The following RBPMS variants were observed in gnomAD, a reference collection of about 807,000 sequenced individuals.
RBPMS encodes RNA binding protein, mRNA processing factor.
In RBPMS, 7 loss-of-function variants were observed where a neutral mutation model predicts 26.8. That is an observed-to-expected ratio of 0.26 (90% CI 0.15 to 0.49). The LOEUF (loss-of-function observed/expected upper bound fraction) is 0.49. Among genes scored for constraint, RBPMS ranks in the 20% least tolerant of loss-of-function variants. The probability of loss-of-function intolerance (pLI) is 0.98; values close to 1 mark genes in which losing one functional copy is unlikely to be tolerated. For missense variants in RBPMS, 186 were observed against 250.0 expected (o/e 0.74, Z 1.73); for synonymous variants, 96 against 93.3 (o/e 1.03, Z -0.17).
intron 6 of RBPMS, among the ~76,000 whole-genome samples, chr8:30,550,008 G>A (rs1163411398): frequency 7.3e-5 from 11 of 151,714 alleles, no homozygotes; most frequent in Admixed American, 3.3e-4. Context: ...CTGTCACCAC[G>A]CCTGGCTCAT....
chr8:30,549,618 T>C (rs771764331), intron 6 of RBPMS: 32 of 1,553,004 alleles, frequency 2.1e-5, no homozygotes, highest in Non-Finnish European at 2.8e-5. Flanking sequence ...GGCTTAGCTC[T>C]CACAGGAGGA....
chr8:30,533,493 G>A (rs1453844246), intron 5 of RBPMS, among the ~76,000 whole-genome samples: 5 of 152,292 alleles, frequency 3.3e-5, no homozygotes, highest in South Asian at 2.1e-4. Flanking sequence ...GTGGAGAGAC[G>A]GTTCTGGGTC....
At chr8:30,549,641 G>T in intron 6 of RBPMS, 2 of 1,370,006 alleles carry the variant, frequency 1.5e-6, no homozygotes, top group Middle Eastern at 1.8e-4. Context: ...GGCGGACGGG[G>T]AGGCCAGGCC....
intron 1 of RBPMS, among the ~76,000 whole-genome samples, chr8:30,418,681 C>A (rs186700416): frequency 3.3e-5 from 5 of 152,034 alleles, no homozygotes; most frequent in African/African-American, 9.7e-5. Context: ...TGGGTTCAAG[C>A]GATTTTCTTG....
At chr8:30,464,712 A>G (rs79582386) in intron 1 of RBPMS, among the ~76,000 whole-genome samples, 4,229 of 152,264 alleles carry the variant, frequency 0.028, 225 homozygotes, top group African/African-American at 0.097. Flanking sequence ...GTTTCTTTGA[A>G]CAAATCTGTT....
At chr8:30,417,115 A>G (rs1455829604) in intron 1 of RBPMS, among the ~76,000 whole-genome samples, 5 of 152,148 alleles carry the variant, frequency 3.3e-5, no homozygotes, top group Non-Finnish European at 5.9e-5. Flanking sequence ...TAAGAGACAG[A>G]TGGACCTTTT....
intron 5 of RBPMS, among the ~76,000 whole-genome samples, chr8:30,538,503 G>A (rs567941889): frequency 2.0e-5 from 3 of 152,100 alleles, no homozygotes; most frequent in East Asian, 3.9e-4. Flanking sequence ...TAATCCACCC[G>A]CTTCGGCCTC....
At chr8:30,553,226 G>A (rs1235767549) in intron 6 of RBPMS, 2 of 152,250 alleles carry the variant, frequency 1.3e-5, no homozygotes, top group Admixed American at 1.3e-4. Context: ...GCAGGGAGAA[G>A]AGGAGTGGTT....
At position 30,515,081 on chromosome 8, in the gene RBPMS, C is replaced by T. The variant is rs186334297; in HGVS notation, c.397+10645C>T. Among the ~76,000 whole-genome samples the T allele has an allele frequency of 2.0e-4, 30 of 152,108 alleles. No individual in the cohort carries two copies. The East Asian group carries it at 5.4e-3, about 28-fold the overall frequency. On this transcript the variant is annotated intron_variant, in intron 5 of 8. Transcript: ENST00000397323. ...ACTCCTCCCAGGGTCAAACGATCCTCTCTCCTCAGCCTCCAGAGTAGCTGG... is the reference window on the plus strand; with the variant it reads ...ACTCCTCCCAGGGTCAAACGATCCTTTCTCCTCAGCCTCCAGAGTAGCTGG...
At chr8:30,418,681 C>T (rs186700416) in intron 1 of RBPMS, among the ~76,000 whole-genome samples, 4 of 152,152 alleles carry the variant, frequency 2.6e-5, no homozygotes, top group African/African-American at 9.6e-5. Flanking sequence ...TGGGTTCAAG[C>T]GATTTTCTTG....
At chr8:30,532,166 G>T (rs1824291287) in intron 5 of RBPMS, among the ~76,000 whole-genome samples, 1 of 152,120 alleles carries the variant, frequency 6.6e-6, no homozygotes, top group Non-Finnish European at 1.5e-5. Context: ...GTACAAAAGA[G>T]CTGAACAATA....
chr8:30,440,794 CTTT>C (rs34107190), intron 1 of RBPMS, among the ~76,000 whole-genome samples: 1 of 143,540 alleles, frequency 7.0e-6, no homozygotes. Context: ...ATTTTTTTAA[CTTT>C]TTTTTTTTTT....
chr8:30,500,364 A>C (rs1820431129), intron 4 of RBPMS, among the ~76,000 whole-genome samples: 1 of 149,762 alleles, frequency 6.7e-6, no homozygotes, highest in Non-Finnish European at 1.5e-5. Context: ...TTTCAGGCTA[A>C]TCTAGCCATG....
chr8:30,464,104 A>T (rs1391505559), intron 1 of RBPMS, among the ~76,000 whole-genome samples: 1 of 152,232 alleles, frequency 6.6e-6, no homozygotes, highest in Non-Finnish European at 1.5e-5. Flanking sequence ...GCAGTGAGCT[A>T]TGATTGTGCC....
chr8:30,420,228 A>C (rs78174660), intron 1 of RBPMS, among the ~76,000 whole-genome samples: 1 of 134,482 alleles, frequency 7.4e-6, no homozygotes. Flanking sequence ...ACCCTGCTTC[A>C]AAAAAAAAAA....
chr8:30,489,134 C>T (rs1441563662), intron 4 of RBPMS, among the ~76,000 whole-genome samples: 1 of 151,908 alleles, frequency 6.6e-6, no homozygotes, highest in Non-Finnish European at 1.5e-5. Context: ...ACAGCCTCGA[C>T]ATCCTGGCCT....
intron 5 of RBPMS, among the ~76,000 whole-genome samples, chr8:30,507,003 C>G (rs897798784): frequency 2.0e-4 from 30 of 152,296 alleles, no homozygotes; most frequent in Non-Finnish European, 2.8e-4. Context: ...AACTTGGCCC[C>G]ATATGAAGGA....
intron 7 of RBPMS, 120 bp downstream of exon 7, chr8:30,559,076 G>T: frequency 1.3e-6 from 1 of 797,498 alleles, no homozygotes; most frequent in Admixed American, 2.0e-5. Flanking sequence ...CACCTCCTTT[G>T]TCCATCTTTG....
intron 4 of RBPMS, among the ~76,000 whole-genome samples, chr8:30,494,523 CAGAA>C (rs561070822): frequency 1.3e-5 from 2 of 152,308 alleles, no homozygotes; most frequent in South Asian, 4.1e-4. Context: ...GACTGAGACA[CAGAA>C]AGGTTAAACA....
Sources: gnomAD v4.1 joint callset for allele counts (sites outside exome capture counted in the v4.1 genomes callset) on GRCh38, gnomAD v4.1.1 for gene constraint, MANE v1.5 for transcripts, NCBI Gene and HGNC (gene_info 2026-07-23, HGNC 2026-07-21) for gene names.